Variants in ST18 observed in about 807,000 individuals in gnomAD.
ST18 encodes ST18 C2H2C-type zinc finger transcription factor.
Under a neutral mutation model 110.0 loss-of-function variants are expected in ST18, and 50 were observed. That is an observed-to-expected ratio of 0.45 (90% confidence interval 0.36 to 0.58). The LOEUF is 0.58. Among genes scored for constraint, ST18 ranks in the 20% least tolerant of loss-of-function variants. The pLI, the probability that ST18 is intolerant of heterozygous loss-of-function variation, is 0.00. For missense variants in ST18, 1,306 were observed against 1,280.1 expected, an observed-to-expected ratio of 1.02 and a Z score of -0.31; for synonymous variants, 461 against 452.4, an observed-to-expected ratio of 1.02 and a Z score of -0.24.
At chr8:52,378,114 G>A (rs1046902687) in intron 2 of ST18, among the ~76,000 whole-genome samples, 1 of 152,102 alleles carries the variant, frequency 6.6e-6, no homozygotes, top group Admixed American at 6.6e-5. Flanking sequence ...ACAGGGAGGG[G>A]AATAGAGAAA....
rs1314301006 is a variant in ST18 at position 52,142,130 on chromosome 8, A to G, written c.2168+800T>C. ...ACCAAGTTTCTGACAGGGGAAGGGGATGCCGAGGGAAGGGAGGTCCCTGGA... is the reference window on the plus strand; with the variant it reads ...ACCAAGTTTCTGACAGGGGAAGGGGGTGCCGAGGGAAGGGAGGTCCCTGGA... On this transcript the variant is annotated intron_variant, in intron 17 of 25. Coordinates refer to ENST00000689386, the MANE Select transcript of ST18 (RefSeq NM_001352837.2). 2.0e-5 allele frequency among the ~76,000 whole-genome samples: 3 copies of G among 152,118 alleles called. No individual in the cohort carries two copies. In the East Asian group the frequency reaches 5.8e-4, roughly 29 times the overall value.
chr8:52,317,541 G>A (rs1411487385), intron 2 of ST18, among the ~76,000 whole-genome samples: 2 of 152,192 alleles, frequency 1.3e-5, no homozygotes, highest in African/African-American at 4.8e-5. Flanking sequence ...GTGGTAATTT[G>A]TTAAATCAGC....
chr8:52,242,872 C>CA (rs200931792), intron 2 of ST18, among the ~76,000 whole-genome samples: 27,661 of 128,820 alleles, frequency 0.21, 2,578 homozygotes, highest in Middle Eastern at 0.29. Context: ...GACTCTGCCT[C>CA]AAAAAAAAAA....
At chr8:52,302,321 A>T (rs2095738126) in intron 2 of ST18, among the ~76,000 whole-genome samples, 1 of 152,244 alleles carries the variant, frequency 6.6e-6, no homozygotes, top group Non-Finnish European at 1.5e-5. Context: ...GGAGGTATAG[A>T]ATCATGGTTT....
At chr8:52,375,975 A>G (rs1451677366) in intron 2 of ST18, among the ~76,000 whole-genome samples, 1 of 152,104 alleles carries the variant, frequency 6.6e-6, no homozygotes, top group East Asian at 1.9e-4. Context: ...TCAATCTTTC[A>G]GGAAATTGTA....
At chr8:52,299,341 C>T (rs1350898846) in intron 2 of ST18, among the ~76,000 whole-genome samples, 1 of 152,064 alleles carries the variant, frequency 6.6e-6, no homozygotes, top group Non-Finnish European at 1.5e-5. Context: ...TTAATTTTGT[C>T]TAGTTTGTTC....
chr8:52,142,048 G>A (rs1246422836), intron 17 of ST18, among the ~76,000 whole-genome samples: 1 of 152,144 alleles, frequency 6.6e-6, no homozygotes, highest in Non-Finnish European at 1.5e-5. Context: ...TTGTGGAGGA[G>A]GGAGATCAGC....
intron 5 of ST18, among the ~76,000 whole-genome samples, chr8:52,220,362 T>C (rs929946916): frequency 1.3e-5 from 2 of 152,234 alleles, no homozygotes; most frequent in Admixed American, 6.5e-5. Context: ...TTTTAAAACA[T>C]TGTGCTTTTA....
chr8:52,182,870 G>A (rs1350132461), intron 8 of ST18, among the ~76,000 whole-genome samples: 1 of 152,076 alleles, frequency 6.6e-6, no homozygotes. Context: ...GAGACCTCAG[G>A]TGGCAGGGAT....
intron 22 of ST18, 26 bp from the exon 23 acceptor site, chr8:52,126,166 G>A: frequency 1.3e-6 from 2 of 1,583,946 alleles, no homozygotes; most frequent in Non-Finnish European, 1.7e-6. Context: ...TTGTACTAAT[G>A]TATGAAATGT....
At chr8:52,245,638 C>A (rs1408714947) in intron 2 of ST18, among the ~76,000 whole-genome samples, 1 of 151,802 alleles carries the variant, frequency 6.6e-6, no homozygotes, top group Non-Finnish European at 1.5e-5. Context: ...ATAGAATTAC[C>A]AAGTGTAACT....
intron 2 of ST18, among the ~76,000 whole-genome samples, chr8:52,297,407 A>T (rs2095652109): frequency 6.6e-6 from 1 of 152,338 alleles, no homozygotes; most frequent in African/African-American, 2.4e-5. Flanking sequence ...ATCTTTTTTT[A>T]AAATAATTTT....
At chr8:52,145,001 A>G (rs1175630648) in intron 16 of ST18, among the ~76,000 whole-genome samples, 1 of 151,564 alleles carries the variant, frequency 6.6e-6, no homozygotes, top group African/African-American at 2.4e-5. Flanking sequence ...TACAATTGCT[A>G]AATCTGATAT....
At chr8:52,365,332 A>T (rs1208733054) in intron 2 of ST18, among the ~76,000 whole-genome samples, 2 of 152,178 alleles carry the variant, frequency 1.3e-5, no homozygotes, top group Non-Finnish European at 2.9e-5. Flanking sequence ...CTATAGCAAG[A>T]ACCAGGATTC....
At chr8:52,155,609 C>T (rs2059830477) in intron 15 of ST18, among the ~76,000 whole-genome samples, 1 of 152,126 alleles carries the variant, frequency 6.6e-6, no homozygotes, top group African/African-American at 2.4e-5. Context: ...TGACGTCTTC[C>T]AGTTTTGGAG....
intron 9 of ST18, among the ~76,000 whole-genome samples, chr8:52,175,915 C>T (rs1194588560): frequency 2.0e-5 from 3 of 152,110 alleles, no homozygotes; most frequent in East Asian, 1.9e-4. Context: ...GGAAACACAG[C>T]GACCCTTAGG....
intron 15 of ST18, among the ~76,000 whole-genome samples, chr8:52,157,109 A>G (rs1490599441): frequency 6.6e-6 from 1 of 152,182 alleles, no homozygotes; most frequent in Non-Finnish European, 1.5e-5. Context: ...CTGAAAATCT[A>G]CTGTTTGATT....
intron 8 of ST18, among the ~76,000 whole-genome samples, chr8:52,204,494 G>T (rs1211409094): frequency 6.6e-6 from 1 of 152,172 alleles, no homozygotes; most frequent in African/African-American, 2.4e-5. Context: ...GGCTCCAGGG[G>T]CACCTCTGAG....
chr8:52,302,053 C>CAGAGGGCATCTATGCAGGGTGAGAGT (rs2095732926), intron 2 of ST18: 1 of 152,304 alleles, frequency 6.6e-6, no homozygotes, highest in Admixed American at 6.5e-5. Context: ...TCCGAGCCTG[C>CAGAGGGCATCTATGCAGGGTGAGAGT]AGAGGGCATC....
Sources: allele counts gnomAD v4.1 joint callset (sites outside exome capture counted in the v4.1 genomes callset), GRCh38; gene constraint gnomAD v4.1.1; transcripts MANE v1.5; gene names NCBI Gene and HGNC (gene_info 2026-07-23, HGNC 2026-07-21).